The following FIGN variants were observed in gnomAD, a reference collection of about 807,000 sequenced individuals.
The protein encoded by FIGN is fidgetin.
In FIGN, 11 loss-of-function variants were observed where a neutral mutation model predicts 51.3. That is an observed-to-expected ratio of 0.21 (90% CI 0.13 to 0.35). The LOEUF is 0.35. FIGN is among the 10% of genes least tolerant of loss of function. FIGN has a pLI of 1.00. For synonymous variants in FIGN, 407 were observed against 363.2 expected, an observed-to-expected ratio of 1.12 and a Z score of -1.37; for missense variants, 857 against 943.6, an observed-to-expected ratio of 0.91 and a Z score of 1.20.
At chr2:163,656,062 A>C (rs1683554804) in intron 2 of FIGN, among the ~76,000 whole-genome samples, 2 of 152,202 alleles carry the variant, frequency 1.3e-5, no homozygotes, top group South Asian at 4.1e-4. Context: ...GTTTCCTTTT[A>C]CAAATAATCA....
chr2:163,706,168 T>A (rs1174333869), intron 2 of FIGN, among the ~76,000 whole-genome samples: 1 of 152,190 alleles, frequency 6.6e-6, no homozygotes, highest in Non-Finnish European at 1.5e-5. Flanking sequence ...ATTTACACTT[T>A]ATGGCTCTAA....
chr2:163,619,918 TA>T (rs1385795606), intron 2 of FIGN, among the ~76,000 whole-genome samples: 1 of 151,836 alleles, frequency 6.6e-6, no homozygotes, highest in Non-Finnish European at 1.5e-5. Context: ...TGTGTGGGGG[TA>T]GGGGGTAGGT....
At chr2:163,626,478 T>C (rs1683055226) in intron 2 of FIGN, among the ~76,000 whole-genome samples, 1 of 152,194 alleles carries the variant, frequency 6.6e-6, no homozygotes, top group South Asian at 2.1e-4. Flanking sequence ...ATGTATGCTT[T>C]CTATGTTTGC....
intron 2 of FIGN, among the ~76,000 whole-genome samples, chr2:163,660,670 C>CATAT (rs147952912): frequency 1.8e-5 from 1 of 54,100 alleles, no homozygotes. Flanking sequence ...TATACATATA[C>CATAT]ATATATATAT....
intron 2 of FIGN, among the ~76,000 whole-genome samples, chr2:163,629,952 CTTTTTTTTTTTTTT>C (rs71297448): frequency 1.6e-3 from 89 of 56,932 alleles, no homozygotes; most frequent in African/African-American, 6.1e-3. Flanking sequence ...GAAAGGGGCA[CTTTTTTTTTTTTTT>C]TTTTTTTTTT....
intron 2 of FIGN, among the ~76,000 whole-genome samples, chr2:163,717,761 G>A (rs1004294600): frequency 7.2e-5 from 11 of 152,240 alleles, no homozygotes; most frequent in South Asian, 2.1e-4. Flanking sequence ...TTTCAAGGCC[G>A]TGTTAATCGG....
Position 163,602,827 on chromosome 2 carries a change from A to G in FIGN, c.*6725T>C, listed in dbSNP as rs776961820. On this transcript the variant is annotated 3_prime_UTR_variant, in exon 3 of 3. Transcript: ENST00000333129. ...CCCTGTGGTAGCAAGTATTTATGAA[A>G]AGGAATATTCAGTAGGGACAGTTGT... The G allele has an allele frequency of 6.6e-6, 1 of 152,064 alleles. No individual in the cohort carries two copies. The highest frequency in any genetic ancestry group is 1.5e-5 in the Non-Finnish European group (1 of 67,972). The allele number at this position is 152,064 out of a possible 1,614,324, so 9.4% of individuals were successfully genotyped here.
At chr2:163,676,874 T>A (rs1237236792) in intron 2 of FIGN, among the ~76,000 whole-genome samples, 5 of 152,100 alleles carry the variant, frequency 3.3e-5, no homozygotes, top group Admixed American at 2.0e-4. Flanking sequence ...CCATAGTTTA[T>A]AATACAAAAA....
chr2:163,711,673 A>T (rs912568450), intron 2 of FIGN, among the ~76,000 whole-genome samples: 55 of 151,356 alleles, frequency 3.6e-4, no homozygotes, highest in Non-Finnish European at 5.9e-5. Context: ...AAAAAAAAAA[A>T]CTATTTCAGT....
At chr2:163,701,050 T>C (rs1033901356) in intron 2 of FIGN, among the ~76,000 whole-genome samples, 1 of 152,184 alleles carries the variant, frequency 6.6e-6, no homozygotes, top group Admixed American at 6.5e-5. Flanking sequence ...TATATAAAGA[T>C]ACACATGCAT....
intron 2 of FIGN, among the ~76,000 whole-genome samples, chr2:163,675,532 A>G (rs2105335565): frequency 6.6e-6 from 1 of 152,260 alleles, no homozygotes; most frequent in South Asian, 2.1e-4. Context: ...CTGTACTTTA[A>G]CAAGTCTTCT....
intron 2 of FIGN, among the ~76,000 whole-genome samples, chr2:163,674,563 C>T (rs1683927967): frequency 6.6e-6 from 1 of 152,122 alleles, no homozygotes; most frequent in South Asian, 2.1e-4. Flanking sequence ...CTCAGACTTA[C>T]AGTAATGTAG....
At chr2:163,663,428 G>A (rs1248960238) in intron 2 of FIGN, among the ~76,000 whole-genome samples, 4 of 151,352 alleles carry the variant, frequency 2.6e-5, no homozygotes, top group Non-Finnish European at 2.9e-5. Context: ...TCTGCCTCCC[G>A]GGTTCAAGGG....
At chr2:163,718,617 G>C (rs989078962) in intron 2 of FIGN, among the ~76,000 whole-genome samples, 11 of 151,968 alleles carry the variant, frequency 7.2e-5, no homozygotes, top group African/African-American at 2.7e-4. Flanking sequence ...ATTTTTATTG[G>C]AAGTCTCCCT....
At chr2:163,650,662 ATTTTTATGT>A (rs1305667631) in intron 2 of FIGN, among the ~76,000 whole-genome samples, 1 of 150,940 alleles carries the variant, frequency 6.6e-6, no homozygotes, top group Non-Finnish European at 1.5e-5. Flanking sequence ...CCTTTTTCTG[ATTTTTATGT>A]ATTTTTTGTT....
chr2:163,665,271 C>G (rs192398438), intron 2 of FIGN, among the ~76,000 whole-genome samples: 2 of 152,250 alleles, frequency 1.3e-5, no homozygotes, highest in African/African-American at 4.8e-5. Flanking sequence ...CATCCATAGC[C>G]TTGCGGCTTA....
At chr2:163,708,186 A>G (rs1684531293) in intron 2 of FIGN, among the ~76,000 whole-genome samples, 1 of 152,188 alleles carries the variant, frequency 6.6e-6, no homozygotes, top group Non-Finnish European at 1.5e-5. Flanking sequence ...CATACTTGTT[A>G]TATAGACACC....
chr2:163,711,373 A>C (rs1351404131), intron 2 of FIGN, among the ~76,000 whole-genome samples: 3 of 152,192 alleles, frequency 2.0e-5, no homozygotes, highest in South Asian at 2.1e-4. Flanking sequence ...AAAATACTGC[A>C]GTGATTAATA....
intron 2 of FIGN, among the ~76,000 whole-genome samples, chr2:163,727,829 A>C (rs929234635): frequency 1.3e-5 from 2 of 152,166 alleles, no homozygotes; most frequent in African/African-American, 4.8e-5. Flanking sequence ...AAGCCACTTG[A>C]CTTCAAAATT....
Sources: gnomAD v4.1 joint callset for allele counts (sites outside exome capture counted in the v4.1 genomes callset) on GRCh38, gnomAD v4.1.1 for gene constraint, MANE v1.5 for transcripts, NCBI Gene and HGNC (gene_info 2026-07-23, HGNC 2026-07-21) for gene names.